Variants in HACE1 observed in about 807,000 individuals in gnomAD.
HACE1 encodes the protein HECT domain and ankyrin repeat containing E3 ubiquitin protein ligase 1, also known as E3 ubiquitin-protein ligase HACE1.
A neutral mutation model predicts 118.4 loss-of-function variants in HACE1; 73 were observed. The ratio of observed to expected loss-of-function variants is 0.62; its 90% confidence interval spans 0.51 to 0.75. HACE1 has a LOEUF of 0.75. Among genes scored for constraint, HACE1 ranks in the 30% least tolerant of loss-of-function variants. HACE1 has a pLI of 0.00. For synonymous variants in HACE1, 368 were observed against 374.8 expected, an observed-to-expected ratio of 0.98 and a Z score of 0.21; for missense variants, 749 against 1,102.2, an observed-to-expected ratio of 0.68 and a Z score of 4.54.
chr6:104,784,686 G>T (rs542839931), intron 12 of HACE1, among the ~76,000 whole-genome samples: 4 of 152,138 alleles, frequency 2.6e-5, no homozygotes, highest in East Asian at 1.9e-4. Flanking sequence ...ATCAGCAGAC[G>T]ATATCAACAA....
rs1422269635 is a variant in HACE1 at position 104,728,986 on chromosome 6, A to G, written c.*676T>C. The G allele has an allele frequency of 2.6e-5, 4 of 152,560 alleles. No homozygotes were observed. Among genetic ancestry groups the G allele is most frequent in the African/African-American group, 9.6e-5 (4 of 41,456 alleles). The allele number at this position is 152,560 out of a possible 1,614,324, so 9.5% of individuals were successfully genotyped here. On this transcript the variant is annotated 3_prime_UTR_variant, in exon 24 of 24. Transcript: ENST00000262903. The stretch of plus-strand genomic sequence containing the variant: ...AATGAGGCGTAAGAAAAACATTGAG[A>G]CCATAATATATACATATGGAAAACT...
chr6:104,764,374 G>A (rs1028707166), intron 19 of HACE1, among the ~76,000 whole-genome samples: 12 of 152,248 alleles, frequency 7.9e-5, no homozygotes, highest in South Asian at 2.1e-4. Context: ...CACTATGCCC[G>A]GCCTGTACAT....
chr6:104,858,431 T>A, intron 1 of HACE1: 1 of 337,794 alleles, frequency 3.0e-6, no homozygotes, highest in South Asian at 2.2e-5. Context: ...CCAGGCGCGG[T>A]GGCTCACATC....
At chr6:104,780,472 CAGA>C (rs929559757) in intron 14 of HACE1, 51 of 346,786 alleles carry the variant, frequency 1.5e-4, no homozygotes, top group African/African-American at 5.0e-4. Flanking sequence ...AAACCACCAA[CAGA>C]AGAAGAAGTC....
chr6:104,859,908 G>C lies in HACE1; in HGVS notation c.-266C>G, dbSNP rs539487589. 4.4e-6 allele frequency: 2 copies of C among 454,454 alleles called. No homozygotes were observed. Among genetic ancestry groups the C allele is most frequent in the South Asian group, 5.5e-5 (2 of 36,498 alleles). The allele number at this position is 454,454 out of a possible 1,614,324, so 28.2% of individuals were successfully genotyped here. A position where few individuals can be genotyped will look rare whatever the true frequency, so the allele number is the denominator to read the frequency against. On this transcript the variant is annotated 5_prime_UTR_variant, in exon 1 of 24. Transcript: ENST00000262903. Reference sequence around the variant, plus strand: ...CCGCCGCCGCGTCCCTCCCGGGCTCGCGTGGCCTTCTGGGAACTGTAGTTT... The same window carrying C: ...CCGCCGCCGCGTCCCTCCCGGGCTCCCGTGGCCTTCTGGGAACTGTAGTTT...
At chr6:104,748,848 G>A (rs1218208275) in intron 20 of HACE1, among the ~76,000 whole-genome samples, 1 of 152,170 alleles carries the variant, frequency 6.6e-6, no homozygotes, top group Non-Finnish European at 1.5e-5. Flanking sequence ...TCTCGTCTAT[G>A]ATTTTAGAAG....
chr6:104,825,294 AC>A (rs756933590), intron 6 of HACE1, among the ~76,000 whole-genome samples: 7 of 151,998 alleles, frequency 4.6e-5, no homozygotes, highest in Non-Finnish European at 8.8e-5. Context: ...ACCTTTGCAA[AC>A]CCCCACCTCT....
intron 5 of HACE1, among the ~76,000 whole-genome samples, chr6:104,833,464 G>A (rs1423151314): frequency 6.6e-6 from 1 of 152,060 alleles, no homozygotes; most frequent in Non-Finnish European, 1.5e-5. Context: ...TCTTGCCTCA[G>A]CCTCCTAAAT....
intron 22 of HACE1, among the ~76,000 whole-genome samples, chr6:104,734,228 G>A (rs1222205158): frequency 6.6e-6 from 1 of 150,546 alleles, no homozygotes; most frequent in Non-Finnish European, 1.5e-5. Flanking sequence ...GCCTTATAGA[G>A]CAACAAAATA....
intron 22 of HACE1, among the ~76,000 whole-genome samples, chr6:104,736,171 C>CT (rs1366125933): frequency 6.6e-6 from 1 of 151,446 alleles, no homozygotes; most frequent in Non-Finnish European, 1.5e-5. Flanking sequence ...ATTCAAGCCT[C>CT]TGAGTATTTC....
chr6:104,780,932 G>C (rs1781670325), intron 14 of HACE1, among the ~76,000 whole-genome samples: 1 of 152,080 alleles, frequency 6.6e-6, no homozygotes, highest in South Asian at 2.1e-4. Context: ...TAATTTTGTA[G>C]AATGTCCCTC....
At chr6:104,822,374 C>A (rs975518395) in intron 6 of HACE1, among the ~76,000 whole-genome samples, 5 of 142,582 alleles carry the variant, frequency 3.5e-5, no homozygotes, top group African/African-American at 1.3e-4. Flanking sequence ...CAGAGCAGGA[C>A]TCCATCTCAG....
intron 7 of HACE1, among the ~76,000 whole-genome samples, chr6:104,801,604 T>G (rs1268113326): frequency 1.3e-5 from 2 of 152,156 alleles, no homozygotes; most frequent in African/African-American, 4.8e-5. Context: ...GAATTTCATA[T>G]CCAGCCAAAC....
At position 104,833,037 on chromosome 6, in the gene HACE1, C is replaced by T. The variant is rs1305493667; in HGVS notation, c.534+5G>A. 1 of 1,613,124 alleles carries T rather than the reference C, an allele frequency of 6.2e-7. No individual in the cohort carries two copies. Among genetic ancestry groups the T allele is most frequent in the Non-Finnish European group, 8.5e-7 (1 of 1,179,048 alleles). On this transcript the variant is annotated splice_donor_5th_base_variant and intron_variant, in intron 6 of 23. Coordinates refer to ENST00000262903, the MANE Select transcript of HACE1 (RefSeq NM_020771.4). ...GCAGCTTAAAGTCCTCATGGCTCAA[C>T]TTACCGTCTTGTGACCGTTCTGGCA...
At chr6:104,743,844 A>C (rs1159997116) in intron 22 of HACE1, among the ~76,000 whole-genome samples, 1 of 149,316 alleles carries the variant, frequency 6.7e-6, no homozygotes, top group African/African-American at 2.5e-5. Flanking sequence ...TATTAAAATA[A>C]TATACAAATA....
At chr6:104,763,343 G>A in intron 19 of HACE1, among the ~76,000 whole-genome samples, 1 of 152,126 alleles carries the variant, frequency 6.6e-6, no homozygotes, top group East Asian at 1.9e-4. Flanking sequence ...GGGACCAGAA[G>A]CGTTTCAAAT....
intron 4 of HACE1, among the ~76,000 whole-genome samples, chr6:104,848,632 C>G (rs1053890330): frequency 1.3e-5 from 2 of 152,186 alleles, no homozygotes; most frequent in Middle Eastern, 3.4e-3. Context: ...GAAGATTACT[C>G]TGGTACAGCT....
intron 19 of HACE1, among the ~76,000 whole-genome samples, chr6:104,762,697 AT>A (rs1779514705): frequency 6.6e-6 from 1 of 152,078 alleles, no homozygotes; most frequent in Admixed American, 6.6e-5. Context: ...TTAAAGTATA[AT>A]TTTAAAAAAA....
At chr6:104,797,867 C>T (rs1466056862) in intron 7 of HACE1, among the ~76,000 whole-genome samples, 1 of 151,748 alleles carries the variant, frequency 6.6e-6, no homozygotes, top group East Asian at 1.9e-4. Context: ...TCAGGAGTTC[C>T]AGACCAGCCT....
Sources: gnomAD v4.1 joint callset for allele counts (sites outside exome capture counted in the v4.1 genomes callset) on GRCh38, gnomAD v4.1.1 for gene constraint, MANE v1.5 for transcripts, NCBI Gene and HGNC (gene_info 2026-07-23, HGNC 2026-07-21) for gene names.